The following TTC28 variants were observed in gnomAD, a reference collection of about 807,000 sequenced individuals.
The protein encoded by TTC28 is tetratricopeptide repeat protein 28.
Under a neutral mutation model 198.0 loss-of-function variants are expected in TTC28, and 61 were observed. The observed-to-expected ratio is 0.31, with a 90% CI of 0.25 to 0.38. The LOEUF is 0.38. Ranked by LOEUF, TTC28 falls within the 10% of genes least tolerant of loss-of-function variation. TTC28 has a pLI of 1.00. For missense variants in TTC28, 2,678 were observed against 3,164.0 expected (o/e 0.85, Z 3.69); for synonymous variants, 1,171 against 1,297.8 (o/e 0.90, Z 2.10).
At chr22:28,070,113 A>G (rs1940911771) in intron 12 of TTC28, among the ~76,000 whole-genome samples, 1 of 152,216 alleles carries the variant, frequency 6.6e-6, no homozygotes, top group Non-Finnish European at 1.5e-5. Context: ...CAGCTTTAAC[A>G]TAATTATAAA....
chr22:28,611,859 T>C (rs2050825584), intron 2 of TTC28, among the ~76,000 whole-genome samples: 1 of 152,066 alleles, frequency 6.6e-6, no homozygotes, highest in Non-Finnish European at 1.5e-5. Context: ...GACAAGCAAA[T>C]GCAAGAGATT....
intron 2 of TTC28, among the ~76,000 whole-genome samples, chr22:28,313,744 C>A (rs913887149): frequency 6.6e-6 from 1 of 152,200 alleles, no homozygotes; most frequent in Non-Finnish European, 1.5e-5. Flanking sequence ...GACAAACCCA[C>A]AGCCAATATC....
At chr22:28,078,456 T>C (rs767745909) in intron 12 of TTC28, among the ~76,000 whole-genome samples, 12 of 152,062 alleles carry the variant, frequency 7.9e-5, no homozygotes, top group Non-Finnish European at 1.2e-4. Context: ...ACACAGCATC[T>C]ACCCTCTAGG....
intron 6 of TTC28, among the ~76,000 whole-genome samples, chr22:28,146,803 C>T (rs1172486336): frequency 2.0e-5 from 3 of 151,998 alleles, no homozygotes; most frequent in Admixed American, 6.5e-5. Context: ...AACACAAATC[C>T]ATTACTTTTT....
At chr22:28,552,370 A>C (rs570121724) in intron 2 of TTC28, among the ~76,000 whole-genome samples, 4 of 152,292 alleles carry the variant, frequency 2.6e-5, no homozygotes, top group Admixed American at 2.6e-4. Flanking sequence ...TCACGGAACG[A>C]GAAAAAAAAT....
chr22:28,300,210 G>A (rs2077637135), intron 3 of TTC28, among the ~76,000 whole-genome samples: 1 of 152,198 alleles, frequency 6.6e-6, no homozygotes, highest in Admixed American at 6.5e-5. Context: ...GGAAAATTAG[G>A]ATCTGATGCT....
intron 12 of TTC28, among the ~76,000 whole-genome samples, chr22:28,075,691 C>T (rs965981139): frequency 1.3e-5 from 2 of 152,248 alleles, no homozygotes; most frequent in African/African-American, 4.8e-5. Flanking sequence ...TGGGCCCTTT[C>T]TTTCCTCCAT....
chr22:28,095,111 G>C (rs767697793), intron 11 of TTC28, among the ~76,000 whole-genome samples: 1 of 151,956 alleles, frequency 6.6e-6, no homozygotes, highest in Non-Finnish European at 1.5e-5. Context: ...GTGTCCTCAC[G>C]AGTATCAGTA....
At chr22:28,032,245 TATAAAATATATATATATATATA>T (rs1267168044) in intron 12 of TTC28, among the ~76,000 whole-genome samples, 24 of 117,606 alleles carry the variant, frequency 2.0e-4, no homozygotes, top group African/African-American at 8.7e-4. Flanking sequence ...AATATATATA[TATAAAATATATATATATATATA>T]GTGTGTGTGT....
chr22:28,033,075 C>G (rs73880374), intron 12 of TTC28, among the ~76,000 whole-genome samples: 2 of 152,070 alleles, frequency 1.3e-5, no homozygotes, highest in Non-Finnish European at 1.5e-5. Flanking sequence ...GCTGAGAAAT[C>G]GGCTTATCAT....
At chr22:28,622,714 GAATGTTA>G (rs1386205031) in intron 2 of TTC28, among the ~76,000 whole-genome samples, 1 of 152,066 alleles carries the variant, frequency 6.6e-6, no homozygotes, top group Non-Finnish European at 1.5e-5. Context: ...CAAAAGAGAT[GAATGTTA>G]AATGTAAAGG....
chr22:28,094,104 A>T lies in TTC28; in HGVS notation c.3908T>A (p.Leu1303Gln). The T allele has an allele frequency of 6.5e-7, 1 of 1,549,836 alleles. No homozygotes were observed. Among genetic ancestry groups the T allele is most frequent in the South Asian group, 1.2e-5 (1 of 83,660 alleles). The change falls in exon 12 of 23, where the codon CTG becomes CAG. Residue 1303 changes from leucine (L) to glutamine (Q), a missense_variant. Coordinates refer to ENST00000397906, the MANE Select transcript of TTC28 (RefSeq NM_001145418.2). ...CCTTGAGTAGTGAGACTCCACCCCC[A>T]GGGCCTCCCGGACACTGGCAATGTG... ...EQHIASVREA[L>Q]GVESHYSRAC...
chr22:28,222,493 TG>T (rs879715503), intron 5 of TTC28, among the ~76,000 whole-genome samples: 125 of 152,350 alleles, frequency 8.2e-4, no homozygotes, highest in Admixed American at 5.3e-3. Context: ...AAATTCATTC[TG>T]CAGTGAGAAT....
At chr22:28,334,143 T>C (rs941911319) in intron 2 of TTC28, among the ~76,000 whole-genome samples, 37 of 152,130 alleles carry the variant, frequency 2.4e-4, no homozygotes, top group African/African-American at 8.9e-4. Context: ...AGAATGATGG[T>C]TTCCAGCTTC....
chr22:28,018,280 TGTGTGTGCGCGC>T (rs1344073369), intron 13 of TTC28, among the ~76,000 whole-genome samples: 19 of 104,612 alleles, frequency 1.8e-4, no homozygotes, highest in Admixed American at 1.5e-3. Context: ...TGTGTGTGTA[TGTGTGTGCGCGC>T]GTGTGTGCGC....
intron 2 of TTC28, among the ~76,000 whole-genome samples, chr22:28,564,359 A>G (rs2049937984): frequency 6.6e-6 from 1 of 152,144 alleles, no homozygotes; most frequent in Admixed American, 6.5e-5. Context: ...TCAGATGTCA[A>G]AGATCTTACA....
chr22:28,272,437 C>T (rs1569232978), intron 5 of TTC28, among the ~76,000 whole-genome samples: 1 of 152,184 alleles, frequency 6.6e-6, no homozygotes, highest in Non-Finnish European at 1.5e-5. Context: ...GCTGTATGTC[C>T]TCAGGTAGGT....
intron 2 of TTC28, among the ~76,000 whole-genome samples, chr22:28,543,127 G>A (rs1235727560): frequency 1.3e-5 from 2 of 152,154 alleles, no homozygotes; most frequent in African/African-American, 2.4e-5. Flanking sequence ...TTGAGTCCAC[G>A]AGTCTGAGAC....
intron 2 of TTC28, among the ~76,000 whole-genome samples, chr22:28,464,773 A>C (rs935243137): frequency 2.6e-5 from 4 of 152,218 alleles, no homozygotes; most frequent in African/African-American, 9.6e-5. Flanking sequence ...AATACTGGAA[A>C]AGATGATACT....
Sources: allele counts gnomAD v4.1 joint callset (sites outside exome capture counted in the v4.1 genomes callset), GRCh38; gene constraint gnomAD v4.1.1; transcripts MANE v1.5; gene names NCBI Gene and HGNC (gene_info 2026-07-23, HGNC 2026-07-21).